The following SLAIN2 variants were observed in gnomAD, a reference collection of about 807,000 sequenced individuals.
SLAIN2 encodes SLAIN family member 2.
In SLAIN2, 31 loss-of-function variants were observed where a neutral mutation model predicts 56.6. The ratio of observed to expected loss-of-function variants is 0.55; its 90% CI spans 0.41 to 0.74. The LOEUF (loss-of-function observed/expected upper bound fraction) is 0.74, where lower values mean the gene tolerates loss of function less well. SLAIN2 is among the 30% of genes least tolerant of loss of function. The pLI is 0.00. For synonymous variants in SLAIN2, 317 were observed against 284.9 expected (o/e 1.11, Z -1.13); for missense variants, 777 against 754.2 (o/e 1.03, Z -0.35).
At chr4:48,390,888 G>A (rs1716222656) in intron 6 of SLAIN2, among the ~76,000 whole-genome samples, 1 of 152,032 alleles carries the variant, frequency 6.6e-6, no homozygotes, top group South Asian at 2.1e-4. Context: ...TTTTAATTTT[G>A]AAAGTTTTTT....
intron 1 of SLAIN2, among the ~76,000 whole-genome samples, chr4:48,343,081 C>G (rs1463988373): frequency 2.6e-5 from 4 of 152,152 alleles, no homozygotes; most frequent in African/African-American, 4.8e-5. Context: ...GCTAAAATGT[C>G]TCTGCTCTAT....
chr4:48,376,226 G>A (rs1350345525), intron 2 of SLAIN2, among the ~76,000 whole-genome samples: 1 of 152,186 alleles, frequency 6.6e-6, no homozygotes, highest in Non-Finnish European at 1.5e-5. Flanking sequence ...GGCCAAGGCA[G>A]GCGGATCATC....
At chr4:48,402,611 A>G (rs1716584118) in intron 6 of SLAIN2, among the ~76,000 whole-genome samples, 1 of 152,106 alleles carries the variant, frequency 6.6e-6, no homozygotes, top group Non-Finnish European at 1.5e-5. Flanking sequence ...CCATCAGGTC[A>G]GTTATGTTCC....
At chr4:48,364,003 G>A (rs1715433350) in intron 1 of SLAIN2, among the ~76,000 whole-genome samples, 1 of 119,328 alleles carries the variant, frequency 8.4e-6, no homozygotes, top group African/African-American at 2.9e-5. Context: ...CCCGGACGGG[G>A]TGGCTGCTGG....
intron 2 of SLAIN2, among the ~76,000 whole-genome samples, chr4:48,375,381 CAT>C (rs1473753350): frequency 2.0e-5 from 3 of 152,166 alleles, no homozygotes; most frequent in Non-Finnish European, 2.9e-5. Flanking sequence ...AAACAGAAAA[CAT>C]ATGTTCCTCC....
At chr4:48,418,795 G>A (rs1022717766) in intron 6 of SLAIN2, among the ~76,000 whole-genome samples, 2 of 152,094 alleles carry the variant, frequency 1.3e-5, no homozygotes, top group Non-Finnish European at 2.9e-5. Context: ...TCTGCTGCTT[G>A]TTACCATAAA....
intron 1 of SLAIN2, among the ~76,000 whole-genome samples, chr4:48,365,214 A>T (rs1715481216): frequency 6.6e-6 from 1 of 151,832 alleles, no homozygotes; most frequent in Non-Finnish European, 1.5e-5. Flanking sequence ...CATGCCTGTA[A>T]TCCCAGTACT....
intron 6 of SLAIN2, among the ~76,000 whole-genome samples, chr4:48,413,278 T>C (rs1476991076): frequency 6.6e-6 from 1 of 152,042 alleles, no homozygotes; most frequent in Non-Finnish European, 1.5e-5. Flanking sequence ...TCTCTTTTGG[T>C]TCCTGGTAAA....
chr4:48,374,767 A>G (rs1196171485), intron 2 of SLAIN2, among the ~76,000 whole-genome samples: 1 of 152,204 alleles, frequency 6.6e-6, no homozygotes, highest in African/African-American at 2.4e-5. Flanking sequence ...AGCATAGTAG[A>G]TATGGTAATA....
intron 6 of SLAIN2, among the ~76,000 whole-genome samples, chr4:48,412,338 A>T (rs1716878682): frequency 7.1e-6 from 1 of 141,748 alleles, no homozygotes; most frequent in Non-Finnish European, 1.6e-5. Context: ...GAATCTTAAT[A>T]GTTCCTGTAA....
intron 6 of SLAIN2, among the ~76,000 whole-genome samples, chr4:48,409,538 T>A (rs958267796): frequency 1.3e-5 from 2 of 152,252 alleles, no homozygotes; most frequent in African/African-American, 2.4e-5. Context: ...ATTTTGTTTA[T>A]CCATTCATCA....
At chr4:48,357,798 G>A (rs903687970) in intron 1 of SLAIN2, among the ~76,000 whole-genome samples, 2 of 152,062 alleles carry the variant, frequency 1.3e-5, no homozygotes, top group Non-Finnish European at 2.9e-5. Flanking sequence ...CAGGTGTTCC[G>A]CCCGACTTGG....
At chr4:48,354,716 G>A (rs1364237870) in intron 1 of SLAIN2, among the ~76,000 whole-genome samples, 6 of 151,754 alleles carry the variant, frequency 4.0e-5, no homozygotes, top group Admixed American at 6.6e-5. Flanking sequence ...CGCCTACCTC[G>A]GCCTCCCAGA....
chr4:48,372,334 A>G (rs188195367), intron 2 of SLAIN2, among the ~76,000 whole-genome samples: 1 of 152,350 alleles, frequency 6.6e-6, no homozygotes, highest in Non-Finnish European at 1.5e-5. Flanking sequence ...AAAAAGCCAG[A>G]TAATAAACAA....
intron 1 of SLAIN2, among the ~76,000 whole-genome samples, chr4:48,349,255 A>G (rs1714948528): frequency 6.6e-6 from 1 of 152,362 alleles, no homozygotes; most frequent in South Asian, 2.1e-4. Flanking sequence ...GGATAGTAGC[A>G]TATTCATCTT....
rs961964568 is a variant in SLAIN2 at position 48,418,333 on chromosome 4, C to T, written c.1361-1792C>T. 2.0e-5 allele frequency among the ~76,000 whole-genome samples: 3 copies of T among 151,922 alleles called. No individual in the cohort carries two copies. In the South Asian group the frequency reaches 6.2e-4, roughly 32 times the overall value. Reference sequence around the variant, plus strand: ...TTCTTTATGAGGTTGAGGAAATTTTCCCTATTTCTGTTTTTCGGAGAACTT... The same window carrying T: ...TTCTTTATGAGGTTGAGGAAATTTTTCCTATTTCTGTTTTTCGGAGAACTT... On this transcript the variant is annotated intron_variant, in intron 6 of 7. Coordinates refer to ENST00000264313, the MANE Select transcript of SLAIN2 (RefSeq NM_020846.2).
At chr4:48,359,234 A>T (rs1455868583) in intron 1 of SLAIN2, among the ~76,000 whole-genome samples, 1 of 152,138 alleles carries the variant, frequency 6.6e-6, no homozygotes. Context: ...GAACGTTGTG[A>T]AGACAGTGTC....
In SLAIN2 at chr4:48,377,886, A is replaced by C. The variant is rs138884513; in HGVS notation, c.539-10A>C. On this transcript the variant is annotated splice_polypyrimidine_tract_variant and intron_variant, in intron 2 of 7. Coordinates refer to ENST00000264313, the MANE Select transcript of SLAIN2 (RefSeq NM_020846.2). ...TGTTAAATTTGATTTTCCCCTTCTC[A>C]TTAATGCAGCTCTCAAGAGGCAGAA... 7 of 1,610,110 alleles carry C rather than the reference A, an allele frequency of 4.3e-6. No individual in the cohort carries two copies. The highest frequency in any genetic ancestry group is 1.7e-4 in the Middle Eastern group (1 of 6,058).
chr4:48,402,008 ATTTCTCCTTCACT>A (rs1716568206), intron 6 of SLAIN2, among the ~76,000 whole-genome samples: 1 of 151,998 alleles, frequency 6.6e-6, no homozygotes, highest in Admixed American at 6.6e-5. Context: ...AAAGGATCTT[ATTTCTCCTTCACT>A]TATGCAGCTT....
Sources: gnomAD v4.1 joint callset for allele counts (sites outside exome capture counted in the v4.1 genomes callset) on GRCh38, gnomAD v4.1.1 for gene constraint, MANE v1.5 for transcripts, NCBI Gene and HGNC (gene_info 2026-07-23, HGNC 2026-07-21) for gene names.